Variants in C5orf24 observed in about 807,000 individuals in gnomAD.
C5orf24 encodes the protein UPF0461 protein C5orf24.
Under a neutral mutation model 9.8 loss-of-function variants are expected in C5orf24, and 4 were observed. The observed-to-expected ratio is 0.41, with a 90% CI of 0.20 to 0.93. C5orf24 has a LOEUF of 0.93. Ranked by LOEUF, C5orf24 falls within the 40% of genes least tolerant of loss-of-function variation. C5orf24 has a pLI of 0.33. For synonymous variants in C5orf24, 73 were observed against 81.3 expected (o/e 0.90, Z 0.55); for missense variants, 170 against 236.9 (o/e 0.72, Z 1.85).
chr5:134,836,029 A>T, the C5orf24 span, among the ~76,000 whole-genome samples: 9 of 151,890 alleles, frequency 5.9e-5, no homozygotes, highest in Non-Finnish European at 1.0e-4. Flanking sequence ...GAATATTTAT[A>T]AAAAACTCAC....
intron 1 of C5orf24, among the ~76,000 whole-genome samples, chr5:134,851,778 T>G (rs922078623): frequency 1.3e-5 from 2 of 152,134 alleles, no homozygotes; most frequent in African/African-American, 4.8e-5. Flanking sequence ...GTACTGAGGA[T>G]TAAATCAGAT....
At chr5:134,852,036 G>C (rs931789544) in intron 1 of C5orf24, among the ~76,000 whole-genome samples, 1 of 152,226 alleles carries the variant, frequency 6.6e-6, no homozygotes, top group East Asian at 1.9e-4. Flanking sequence ...TGCCTCCCGG[G>C]TTCAACCAAT....
rs1194144762 is a variant in C5orf24 at position 134,846,022 on chromosome 5, G to GC, written c.-193dup. The GC allele has an allele frequency of 6.6e-6, 1 of 152,288 alleles. No homozygotes were observed. Among genetic ancestry groups the GC allele is most frequent in the Non-Finnish European group, 1.5e-5 (1 of 68,138 alleles). 9.4% of individuals were successfully genotyped at this position (152,288 alleles called of 1,614,324 possible). On this transcript the variant is annotated 5_prime_UTR_variant, in exon 1 of 2. Transcript: ENST00000394976. The stretch of plus-strand genomic sequence containing the variant: ...TACTGCGTCCGGGGCAGGACCGTGC[G>GC]CGGCGGCCGCGGCGGGTGCTGGGAG...
At position 134,857,238 on chromosome 5, in the gene C5orf24, A is replaced by G. The variant is rs1756339005; in HGVS notation, c.*1771A>G. 1.1e-5 allele frequency: 15 copies of G among 1,330,118 alleles called. No individual in the cohort carries two copies. Among genetic ancestry groups the G allele is most frequent in the Non-Finnish European group, 1.5e-5 (15 of 1,029,162 alleles). 82.4% of individuals were successfully genotyped at this position (1,330,118 alleles called of 1,614,324 possible). ...TGAGATTAAAATGTAGAATTGCAGG[A>G]CCCAAAAACTTTTAAAATAATTAAA... is the stretch of plus-strand genomic sequence containing the variant. On this transcript the variant is annotated 3_prime_UTR_variant, in exon 2 of 2. Transcript: ENST00000394976.
At chr5:134,853,852 G>A (rs915359836) in intron 1 of C5orf24, among the ~76,000 whole-genome samples, 10 of 152,200 alleles carry the variant, frequency 6.6e-5, no homozygotes, top group Admixed American at 6.5e-4. Flanking sequence ...GAAGGCCGAG[G>A]CGGGCAGATC....
In C5orf24 at chr5:134,858,443, C is replaced by T. The variant is rs769738134; in HGVS notation, c.*2976C>T. On this transcript the variant is annotated 3_prime_UTR_variant, in exon 2 of 2. Coordinates refer to ENST00000394976, the MANE Select transcript of C5orf24 (RefSeq NM_001135586.1). ...ACTGAAATAGCATGTTAAACAGTTG[C>T]CTATACTTTAATATAATCAGTTGGG... 6.0e-6 allele frequency: 1 copy of T among 166,808 alleles called. No individual in the cohort carries two copies. Among genetic ancestry groups the T allele is most frequent in the African/African-American group, 2.4e-5 (1 of 41,434 alleles). 10.3% of individuals were successfully genotyped at this position (166,808 alleles called of 1,614,324 possible).
At chr5:134,840,536 G>C in the C5orf24 span, among the ~76,000 whole-genome samples, 3 of 151,854 alleles carry the variant, frequency 2.0e-5, no homozygotes, top group Non-Finnish European at 4.4e-5. Flanking sequence ...TACCGTGCCT[G>C]GTTTATTATA....
chr5:134,838,631 G>C, the C5orf24 span, among the ~76,000 whole-genome samples: 2 of 152,096 alleles, frequency 1.3e-5, no homozygotes, highest in African/African-American at 2.4e-5. Flanking sequence ...GAAAGAGCAA[G>C]ACTTTATCTC....
the C5orf24 span, among the ~76,000 whole-genome samples, chr5:134,839,603 A>G: frequency 6.6e-6 from 1 of 151,780 alleles, no homozygotes; most frequent in Non-Finnish European, 1.5e-5. Context: ...TGCTTTTATT[A>G]TTCATACCCT....
chr5:134,855,764 C>G lies in C5orf24; in HGVS notation c.*297C>G. ...GTTTCATTACTACTTTGGGGCTGTT[C>G]TAAATAGATGCTTTATGTGATAAAC... On this transcript the variant is annotated 3_prime_UTR_variant, in exon 2 of 2. Transcript: ENST00000394976. 8.0e-7 allele frequency: 1 copy of G among 1,252,160 alleles called. No individual in the cohort carries two copies. The highest frequency in any genetic ancestry group is 1.9e-5 in the South Asian group (1 of 53,814). 77.6% of individuals were successfully genotyped at this position (1,252,160 alleles called of 1,614,324 possible).
chr5:134,844,438 T>A (rs757726379), upstream of C5orf24, among the ~76,000 whole-genome samples: 6 of 152,004 alleles, frequency 3.9e-5, no homozygotes, highest in Non-Finnish European at 8.8e-5. Flanking sequence ...TCCTTCCTCC[T>A]ATCTCAGTCC....
rs934923038 is a variant in C5orf24 at position 134,856,272 on chromosome 5, AAAG to A, written c.*809_*811del. On this transcript the variant is annotated 3_prime_UTR_variant, in exon 2 of 2. Coordinates refer to ENST00000394976, the MANE Select transcript of C5orf24 (RefSeq NM_001135586.1). Reference sequence around the variant, plus strand: ...GGATAGCATATTTCATATAATAGAAAAAGAAGCATTCTCTAGGTTTGCATGTAG... The same window carrying A: ...GGATAGCATATTTCATATAATAGAAAAAGCATTCTCTAGGTTTGCATGTAG... 4 of 995,320 alleles carry A rather than the reference AAAG, an allele frequency of 4.0e-6. No individual in the cohort carries two copies. Among genetic ancestry groups the A allele is most frequent in the African/African-American group, 1.7e-5 (1 of 57,242 alleles). The allele number at this position is 995,320 out of a possible 1,614,324, so 61.7% of individuals were successfully genotyped here. A position where few individuals can be genotyped will look rare whatever the true frequency, so the allele number is the denominator to read the frequency against.
At chr5:134,833,860 A>C in the C5orf24 span, among the ~76,000 whole-genome samples, 1 of 152,152 alleles carries the variant, frequency 6.6e-6, no homozygotes, top group South Asian at 2.1e-4. Context: ...TGAGGAATTT[A>C]CTTTTGATTA....
chr5:134,848,602 G>T (rs1342779584), intron 1 of C5orf24, among the ~76,000 whole-genome samples: 2 of 141,868 alleles, frequency 1.4e-5, no homozygotes, highest in African/African-American at 2.7e-5. Flanking sequence ...TGGAGGTTGC[G>T]GTAAGCCAAG....
chr5:134,839,309 A>G, the C5orf24 span, among the ~76,000 whole-genome samples: 1 of 152,178 alleles, frequency 6.6e-6, no homozygotes, highest in African/African-American at 2.4e-5. Context: ...GTCCATTTCA[A>G]TGATTTCAGT....
At position 134,858,623 on chromosome 5, in the gene C5orf24, A is replaced by G. The variant is rs1756372068; in HGVS notation, c.*3156A>G. The G allele has an allele frequency of 6.0e-6, 1 of 167,010 alleles. No homozygotes were observed. Among genetic ancestry groups the G allele is most frequent in the Admixed American group, 6.5e-5 (1 of 15,280 alleles). The allele number at this position is 167,010 out of a possible 1,614,324, so 10.3% of individuals were successfully genotyped here. On this transcript the variant is annotated 3_prime_UTR_variant, in exon 2 of 2. Coordinates refer to ENST00000394976, the MANE Select transcript of C5orf24 (RefSeq NM_001135586.1). ...TGATCTGCAATTCAAGTAAGTCTGC[A>G]TTACTTTTTTCTTTAAAAAGTACTT... is the stretch of plus-strand genomic sequence containing the variant.
intron 1 of C5orf24, among the ~76,000 whole-genome samples, chr5:134,847,043 A>G (rs998166326): frequency 6.6e-6 from 1 of 152,234 alleles, no homozygotes; most frequent in Non-Finnish European, 1.5e-5. Context: ...TGCTTTGTGA[A>G]GTTACTAAAA....
the C5orf24 span, among the ~76,000 whole-genome samples, chr5:134,836,210 T>C: frequency 1.3e-5 from 2 of 148,926 alleles, no homozygotes; most frequent in Non-Finnish European, 3.0e-5. Context: ...GTTTTGCTCT[T>C]ACTGCCCAGG....
chr5:134,852,231 C>T (rs1199531765), intron 1 of C5orf24, among the ~76,000 whole-genome samples: 14 of 152,124 alleles, frequency 9.2e-5, no homozygotes, highest in African/African-American at 3.4e-4. Flanking sequence ...TGAGCCACCG[C>T]GCCTGGCCAA....
Sources: gnomAD v4.1 joint callset for allele counts (sites outside exome capture counted in the v4.1 genomes callset) on GRCh38, gnomAD v4.1.1 for gene constraint, MANE v1.5 for transcripts, NCBI Gene and HGNC (gene_info 2026-07-23, HGNC 2026-07-21) for gene names.